The following SLCO1B3 variants were observed in gnomAD, a reference collection of about 807,000 sequenced individuals.
The protein encoded by SLCO1B3 is liver-specific organic anion transporter 2.
SLCO1B3 carries 72 observed loss-of-function variants against 71.8 expected under a neutral mutation model. That is an observed-to-expected ratio of 1.00 (90% CI 0.83 to 1.22). SLCO1B3 has a LOEUF of 1.22. Among genes scored for constraint, SLCO1B3 ranks in the 50% most tolerant of loss-of-function variants. SLCO1B3 has a pLI of 0.00. For synonymous variants in SLCO1B3, 298 were observed against 278.4 expected (o/e 1.07, Z -0.70); for missense variants, 911 against 819.7 (o/e 1.11, Z -1.36).
At chr12:20,887,077 A>G (rs1367547495) in intron 13 of SLCO1B3, among the ~76,000 whole-genome samples, 4 of 152,266 alleles carry the variant, frequency 2.6e-5, no homozygotes, top group South Asian at 4.1e-4. Context: ...CTAGTATTCC[A>G]TAGTGTATAC....
At chr12:20,818,504 G>A (rs1000108213) in intron 3 of SLCO1B3, among the ~76,000 whole-genome samples, 2 of 152,132 alleles carry the variant, frequency 1.3e-5, no homozygotes, top group African/African-American at 4.8e-5. Flanking sequence ...TTGGGACTCG[G>A]GGTATGTTGA....
At chr12:20,892,181 T>TA (rs1440186487) in intron 13 of SLCO1B3, among the ~76,000 whole-genome samples, 3 of 152,142 alleles carry the variant, frequency 2.0e-5, no homozygotes, top group Non-Finnish European at 2.9e-5. Flanking sequence ...TTAGATAGGC[T>TA]ATCTCTCCTT....
chr12:20,862,560 T>C lies in SLCO1B3; in HGVS notation c.628+2T>C, dbSNP rs1414002749. On this transcript the variant is annotated splice_donor_variant, in intron 7 of 15. Coordinates refer to ENST00000381545, the MANE Select transcript of SLCO1B3 (RefSeq NM_019844.4). LOFTEE classifies it high-confidence loss of function. The stretch of plus-strand genomic sequence containing the variant: ...AAGGACATTCTTCCTTGTATTTAGG[T>C]AACGTACAGAATATATTAAATTTCA... 8.1e-6 allele frequency: 13 copies of C among 1,602,670 alleles called. No individual in the cohort carries two copies. The highest frequency in any genetic ancestry group is 2.2e-5 in the East Asian group (1 of 44,780).
chr12:20,911,625 C>T (rs1299481323), intron 15 of SLCO1B3, among the ~76,000 whole-genome samples: 1 of 152,140 alleles, frequency 6.6e-6, no homozygotes, highest in Non-Finnish European at 1.5e-5. Context: ...AGATATAGAT[C>T]TATTCAGATA....
intron 4 of SLCO1B3, among the ~76,000 whole-genome samples, chr12:20,857,484 T>A (rs1865165362): frequency 1.3e-5 from 2 of 152,010 alleles, no homozygotes; most frequent in South Asian, 4.1e-4. Context: ...CTCTGATGTG[T>A]GATGTCATCT....
At chr12:20,906,518 T>C (rs1413061159) in intron 15 of SLCO1B3, among the ~76,000 whole-genome samples, 1 of 152,162 alleles carries the variant, frequency 6.6e-6, no homozygotes, top group Non-Finnish European at 1.5e-5. Flanking sequence ...TCAATATTCC[T>C]TCATCAGTTT....
chr12:20,900,948 T>G (rs1037428951), intron 14 of SLCO1B3, among the ~76,000 whole-genome samples: 5 of 152,220 alleles, frequency 3.3e-5, no homozygotes, highest in African/African-American at 1.2e-4. Context: ...CTCAAGAAGT[T>G]ATAATTTAAC....
intron 13 of SLCO1B3, among the ~76,000 whole-genome samples, chr12:20,893,292 T>C (rs949938031): frequency 6.6e-6 from 1 of 152,162 alleles, no homozygotes; most frequent in South Asian, 2.1e-4. Context: ...ATATGATCTA[T>C]ATTTCCTAAA....
intron 3 of SLCO1B3, among the ~76,000 whole-genome samples, chr12:20,835,074 G>T (rs1296058996): frequency 6.6e-6 from 1 of 152,296 alleles, no homozygotes; most frequent in Non-Finnish European, 1.5e-5. Flanking sequence ...TGTGGAAGCT[G>T]CCAAGGCATG....
intron 11 of SLCO1B3, among the ~76,000 whole-genome samples, chr12:20,879,910 G>A (rs147885620): frequency 2.4e-3 from 368 of 152,130 alleles, no homozygotes; most frequent in Non-Finnish European, 4.0e-3. Flanking sequence ...TTATAGATGG[G>A]AAAGTGAGAT....
chr12:20,874,389 A>G (rs1002777759), intron 8 of SLCO1B3, among the ~76,000 whole-genome samples: 9 of 152,218 alleles, frequency 5.9e-5, no homozygotes, highest in Admixed American at 2.0e-4. Flanking sequence ...ATGTATAGCA[A>G]TCTCTCAGTT....
At chr12:20,907,980 T>G (rs1455600506) in intron 15 of SLCO1B3, among the ~76,000 whole-genome samples, 1 of 152,168 alleles carries the variant, frequency 6.6e-6, no homozygotes, top group Non-Finnish European at 1.5e-5. Context: ...GTCCAAGCAT[T>G]AGCATAACAT....
intron 5 of SLCO1B3, among the ~76,000 whole-genome samples, chr12:20,860,548 T>C (rs1026066301): frequency 1.3e-5 from 2 of 151,932 alleles, no homozygotes; most frequent in Non-Finnish European, 2.9e-5. Flanking sequence ...CCTCATAAAG[T>C]TTAAATGAAT....
chr12:20,858,401 C>T (rs1865185360), intron 4 of SLCO1B3, 38 bp from the exon 5 acceptor site: 6 of 1,441,726 alleles, frequency 4.2e-6, no homozygotes, highest in Non-Finnish European at 5.8e-6. Context: ...TACAAAATTA[C>T]ACTAAGTCAT....
intron 3 of SLCO1B3, among the ~76,000 whole-genome samples, chr12:20,848,778 GA>G (rs1864964761): frequency 1.3e-5 from 2 of 152,078 alleles, no homozygotes; most frequent in African/African-American, 4.8e-5. Flanking sequence ...AGATTCTGGA[GA>G]AGAAAAATCT....
intron 3 of SLCO1B3, among the ~76,000 whole-genome samples, chr12:20,821,427 G>T (rs1472442767): frequency 2.6e-5 from 4 of 152,150 alleles, no homozygotes; most frequent in Non-Finnish European, 4.4e-5. Context: ...TACAGGCTAA[G>T]GGAGAAGAAG....
chr12:20,856,073 C>T (rs1233912012), intron 4 of SLCO1B3, among the ~76,000 whole-genome samples: 1 of 152,104 alleles, frequency 6.6e-6, no homozygotes, highest in South Asian at 2.1e-4. Context: ...CTCTACATGT[C>T]CTTCACTTGT....
intron 13 of SLCO1B3, among the ~76,000 whole-genome samples, chr12:20,896,369 C>G (rs926193266): frequency 2.0e-5 from 3 of 152,138 alleles, no homozygotes; most frequent in African/African-American, 7.2e-5. Context: ...CCAAAGTCAC[C>G]TCTTGAATGC....
chr12:20,914,491 A>T (rs920799213), intron 15 of SLCO1B3, among the ~76,000 whole-genome samples: 1 of 152,074 alleles, frequency 6.6e-6, no homozygotes, highest in East Asian at 1.9e-4. Flanking sequence ...ATGAATAAGC[A>T]TGTATATTAT....
Sources: allele counts gnomAD v4.1 joint callset (sites outside exome capture counted in the v4.1 genomes callset), GRCh38; gene constraint gnomAD v4.1.1; transcripts MANE v1.5; gene names NCBI Gene and HGNC (gene_info 2026-07-23, HGNC 2026-07-21).